Variants in C9orf43 observed in about 807,000 individuals in gnomAD.
C9orf43 encodes chromosome 9 open reading frame 43.
In C9orf43, 45 loss-of-function variants were observed where a neutral mutation model predicts 59.1. The observed-to-expected ratio is 0.76, with a 90% CI of 0.60 to 0.98. The LOEUF is 0.98. Among genes scored for constraint, C9orf43 ranks in the 50% least tolerant of loss-of-function variants. The pLI, the probability that C9orf43 is intolerant of heterozygous loss-of-function variation, is 0.00. For missense variants in C9orf43, 533 were observed against 554.9 expected, an observed-to-expected ratio of 0.96 and a Z score of 0.40; for synonymous variants, 203 against 196.8, an observed-to-expected ratio of 1.03 and a Z score of -0.26.
In C9orf43 at chr9:113,425,409, A is replaced by G. The variant is rs766294427; in HGVS notation, c.931A>G (p.Ile311Val). 1.2e-6 allele frequency: 2 copies of G among 1,613,918 alleles called. 1 individual carries two copies. Among genetic ancestry groups the G allele is most frequent in the South Asian group, 2.2e-5 (2 of 91,074 alleles). ...GCAACAGAAGAAGGTGAAAACACCT[A>G]TTAAGAAACAGGTAGAGTGGCAGTG... ...QQQQKKVKTP[I>V]KKQEAKKKAK... The change falls in exon 10 of 14, where the codon ATT becomes GTT. Residue 311 changes from isoleucine (I) to valine (V), a missense_variant. Coordinates refer to ENST00000374165, the MANE Select transcript of C9orf43 (RefSeq NM_001278629.2).
At chr9:113,413,193 G>A (rs1828235204) in intron 1 of C9orf43, among the ~76,000 whole-genome samples, 1 of 152,242 alleles carries the variant, frequency 6.6e-6, no homozygotes, top group South Asian at 2.1e-4. Context: ...GCTCAGACTG[G>A]TTAAGTCCCA....
chr9:113,427,072 G>A (rs1425182257), intron 11 of C9orf43, among the ~76,000 whole-genome samples: 1 of 152,198 alleles, frequency 6.6e-6, no homozygotes. Context: ...CAAAGAGGTA[G>A]GCAGGGGCTT....
chr9:113,411,055 G>C (rs1403501493), intron 1 of C9orf43, 54 bp downstream of exon 1: 1 of 985,216 alleles, frequency 1.0e-6, no homozygotes, highest in Non-Finnish European at 1.2e-6. Flanking sequence ...TGTTTAACGC[G>C]AACTATTTAG....
At chr9:113,413,311 C>CTT in intron 1 of C9orf43, 134 bp from the exon 2 acceptor site, 1 of 764,824 alleles carries the variant, frequency 1.3e-6, no homozygotes, top group Non-Finnish European at 1.9e-6. Flanking sequence ...GTTATCCAAT[C>CTT]TTTAATTATT....
At chr9:113,421,280 T>A in intron 5 of C9orf43, 77 bp downstream of exon 5, 1 of 1,078,802 alleles carries the variant, frequency 9.3e-7, no homozygotes, top group South Asian at 1.3e-5. Flanking sequence ...CTTTTTGTGA[T>A]CTCCCATTTA....
At chr9:113,425,202 CAGGA>C (rs1430585641) in intron 9 of C9orf43, 126 bp downstream of exon 9, 1 of 1,458,462 alleles carries the variant, frequency 6.9e-7, no homozygotes, top group East Asian at 2.3e-5. Context: ...ATGTAGAACT[CAGGA>C]AACAATAGTT....
At position 113,424,268 on chromosome 9, in the gene C9orf43, T is replaced by C; in HGVS notation, c.759T>C (p.Ser253=). 1 of 1,613,966 alleles carries C rather than the reference T, an allele frequency of 6.2e-7. No individual in the cohort carries two copies. Among genetic ancestry groups the C allele is most frequent in the Non-Finnish European group, 8.5e-7 (1 of 1,179,932 alleles). The change falls in exon 8 of 14, where the codon AGT becomes AGC. Residue 253 remains serine, a synonymous_variant. Coordinates refer to ENST00000374165, the MANE Select transcript of C9orf43 (RefSeq NM_001278629.2). ...NLPLEKNRPD[S]VISSKMFLSI... The stretch of plus-strand genomic sequence containing the variant: ...CCTTGGAAAAGAACCGACCTGACAG[T>C]GTGATTTCTTCTAAGATGTTTCTAT...
intron 1 of C9orf43, among the ~76,000 whole-genome samples, chr9:113,411,442 A>G (rs1468973680): frequency 6.0e-5 from 9 of 151,208 alleles, no homozygotes; most frequent in Non-Finnish European, 1.0e-4. Flanking sequence ...GGGACTACAG[A>G]CGCCCGCCAC....
At chr9:113,428,248 T>C in intron 12 of C9orf43, 25 bp downstream of exon 12, 18 of 1,603,716 alleles carry the variant, frequency 1.1e-5, no homozygotes, top group African/African-American at 1.3e-5. Flanking sequence ...AGGCCTCTGC[T>C]AGGACCCAGT....
chr9:113,424,451 G>C, intron 8 of C9orf43, 135 bp downstream of exon 8: 1 of 903,064 alleles, frequency 1.1e-6, no homozygotes, highest in African/African-American at 1.7e-5. Context: ...CCCAGAGAAG[G>C]CTGGGCTCTA....
Position 113,413,771 on chromosome 9 carries a change from T to C in C9orf43, c.164T>C (p.Val55Ala). ...TPLDAEDKLP[V>A]LTVVDILDSG... ...TCTGCCTTCTTAGATAAACTCCCAG[T>C]GCTCACCGTGGTAGACATCTTAGAT... Residue 55 changes from valine to alanine, a missense_variant, in exon 3 of 14, where the codon GTG becomes GCG. Val to Ala is a moderately conservative substitution (Grantham distance 64). Transcript: ENST00000374165. The C allele has an allele frequency of 1.2e-6, 2 of 1,614,068 alleles. No homozygotes were observed. Among genetic ancestry groups the C allele is most frequent in the Non-Finnish European group, 8.5e-7 (1 of 1,179,990 alleles).
At chr9:113,422,416 A>T in intron 5 of C9orf43, 133 bp from the exon 6 acceptor site, 1 of 1,259,664 alleles carries the variant, frequency 7.9e-7, no homozygotes, top group Non-Finnish European at 1.1e-6. Context: ...CAAAGATAGG[A>T]ATCTTTGTGG....
chr9:113,421,456 C>T (rs1828569293), intron 5 of C9orf43, among the ~76,000 whole-genome samples: 1 of 151,666 alleles, frequency 6.6e-6, no homozygotes, highest in African/African-American at 2.4e-5. Flanking sequence ...AGATAGGGCT[C>T]AACTTACTTA....
At chr9:113,424,087 C>G (rs529514300) in intron 7 of C9orf43, 79 bp from the exon 8 acceptor site, 58 of 1,499,166 alleles carry the variant, frequency 3.9e-5, no homozygotes, top group Admixed American at 4.8e-5. Context: ...TCTTGGAGCC[C>G]TTTACATCTC....
In C9orf43 at chr9:113,413,907, G is replaced by T. The variant is rs1338796260; in HGVS notation, c.287+13G>T. On this transcript the variant is annotated intron_variant, in intron 3 of 13. Transcript: ENST00000374165. ...AATTTCATGGCAGGTAAATTATCAT[G>T]GAATCTTCCTTTACAGCCTATTGTC... is the stretch of plus-strand genomic sequence containing the variant. 5 of 1,604,568 alleles carry T rather than the reference G, an allele frequency of 3.1e-6. No homozygotes were observed. Among genetic ancestry groups the T allele is most frequent in the Non-Finnish European group, 3.4e-6 (4 of 1,176,708 alleles).
At chr9:113,428,828 C>G in intron 12 of C9orf43, 72 bp from the exon 13 acceptor site, 6 of 1,308,588 alleles carry the variant, frequency 4.6e-6, no homozygotes, top group Non-Finnish European at 6.6e-6. Context: ...CCAAGAGAAG[C>G]ATCTTTTAGA....
chr9:113,428,961 AAAGT>A lies in C9orf43; in HGVS notation c.1171+3_1171+6del. ...CATGCGGATTTCCACCACAGTGTAA[AAAGT>A]AAGTTACTAGAGTAGAGGAACCTTA... On this transcript the variant is annotated splice_donor_variant and coding_sequence_variant, in exon 13 of 14. Coordinates refer to ENST00000374165, the MANE Select transcript of C9orf43 (RefSeq NM_001278629.2). LOFTEE classifies it high-confidence loss of function. 1 of 1,613,318 alleles carries A rather than the reference AAAGT, an allele frequency of 6.2e-7. No individual in the cohort carries two copies. The highest frequency in any genetic ancestry group is 8.5e-7 in the Non-Finnish European group (1 of 1,179,222).
chr9:113,411,628 T>C (rs550846865), intron 1 of C9orf43, among the ~76,000 whole-genome samples: 18 of 152,320 alleles, frequency 1.2e-4, no homozygotes, highest in African/African-American at 4.3e-4. Context: ...TTTTAAGTTA[T>C]TTTTATATTA....
intron 3 of C9orf43, among the ~76,000 whole-genome samples, chr9:113,417,321 A>G (rs1828401881): frequency 1.3e-5 from 2 of 152,094 alleles, no homozygotes; most frequent in African/African-American, 4.8e-5. Context: ...TGACATGCTT[A>G]TTGATATTTT....
Sources: gnomAD v4.1 joint callset for allele counts (sites outside exome capture counted in the v4.1 genomes callset) on GRCh38, gnomAD v4.1.1 for gene constraint, MANE v1.5 for transcripts, NCBI Gene and HGNC (gene_info 2026-07-23, HGNC 2026-07-21) for gene names.